OR4F6: variants seen among roughly 807,000 people sequenced by gnomAD.
OR4F6 encodes the protein olfactory receptor family 4 subfamily F member 6.
A neutral mutation model predicts 15.9 loss-of-function variants in OR4F6; 13 were observed. The ratio of observed to expected loss-of-function variants is 0.82; its 90% confidence interval spans 0.53 to 1.30. The LOEUF (loss-of-function observed/expected upper bound fraction) is 1.30. OR4F6 is among the 50% of genes most tolerant of loss of function. OR4F6 has a pLI of 0.00. For missense variants in OR4F6, 426 were observed against 367.2 expected (o/e 1.16, Z -1.31); for synonymous variants, 150 against 133.8 (o/e 1.12, Z -0.83).
In OR4F6 at chr15:101,806,250, C is replaced by A; in HGVS notation, c.531C>A (p.Phe177Leu). ...LFCGPNELDS[F>L]FCDLPRFIKL... is the part of the protein sequence containing the mutation. Reference sequence around the variant, plus strand: ...GTGGCCCTAATGAATTAGATAGTTTCTTTTGTGATCTTCCTCGATTTATCA... The same window carrying A: ...GTGGCCCTAATGAATTAGATAGTTTATTTTGTGATCTTCCTCGATTTATCA... Residue 177 changes from phenylalanine (F) to leucine (L), a missense_variant, in exon 2 of 2, where the codon TTC (phenylalanine) becomes TTA (leucine). Physicochemically the swap from Phe to Leu is conservative, Grantham distance 22. Coordinates refer to ENST00000328882, the MANE Select transcript of OR4F6 (RefSeq NM_001005326.2). 6.2e-7 allele frequency: 1 copy of A among 1,613,896 alleles called. No homozygotes were observed. Among genetic ancestry groups the A allele is most frequent in the East Asian group, 2.2e-5 (1 of 44,874 alleles).
At chr15:101,803,839 A>C (rs1327793440) in intron 1 of OR4F6, among the ~76,000 whole-genome samples, 2 of 152,212 alleles carry the variant, frequency 1.3e-5, no homozygotes, top group African/African-American at 4.8e-5. Context: ...ATTTGAGTCC[A>C]GTGCAAGTAA....
chr15:101,806,814 C>T lies in OR4F6; in HGVS notation c.*156C>T. The T allele has an allele frequency of 2.0e-6, 1 of 498,808 alleles. No homozygotes were observed. The highest frequency in any genetic ancestry group is 3.5e-6 in the Non-Finnish European group (1 of 287,818). 30.9% of individuals were successfully genotyped at this position (498,808 alleles called of 1,614,324 possible). On this transcript the variant is annotated 3_prime_UTR_variant, in exon 2 of 2. Transcript: ENST00000328882. The stretch of plus-strand genomic sequence containing the variant: ...CCAAATTGAATTGTGGTATCAATCT[C>T]TTGCTTATATAGGAGATTTAAAGAT...
chr15:101,806,327 G>A lies in OR4F6; in HGVS notation c.608G>A (p.Ser203Asn), dbSNP rs1902804635. Residue 203 changes from serine to asparagine, a missense_variant, in exon 2 of 2, where the codon AGT becomes AAT. Physicochemically the swap from Ser to Asn is conservative, Grantham distance 46 (BLOSUM62 1). Coordinates refer to ENST00000328882, the MANE Select transcript of OR4F6 (RefSeq NM_001005326.2). ...TTGGGATTCATGGTTACTGCCAATA[G>A]TGGATTTATTTCTCTGGCTTCTTTT... ...YTLGFMVTANSGFISLASFLI... is the reference protein window; with the variant it reads ...YTLGFMVTANNGFISLASFLI... The A allele has an allele frequency of 1.2e-5, 20 of 1,613,834 alleles. No individual in the cohort carries two copies. Among genetic ancestry groups the A allele is most frequent in the Non-Finnish European group, 1.4e-5 (16 of 1,179,808 alleles).
chr15:101,805,832 G>T lies in OR4F6; in HGVS notation c.113G>T (p.Ser38Ile), dbSNP rs1456726640. Residue 38 changes from serine to isoleucine, a missense_variant, in exon 2 of 2, where the codon AGC becomes ATC. Coordinates refer to ENST00000328882, the MANE Select transcript of OR4F6 (RefSeq NM_001005326.2). ...FLFFSVFYVS[S>I]LMGNLLIVLT... ...TTTTTCTCAGTGTTCTATGTGTCAA[G>T]CCTGATGGGAAATCTCCTCATTGTG... 3 of 1,613,966 alleles carry T rather than the reference G, an allele frequency of 1.9e-6. No individual in the cohort carries two copies. Among genetic ancestry groups the T allele is most frequent in the African/African-American group, 1.3e-5 (1 of 74,900 alleles).
chr15:101,804,272 G>A (rs1902761814), intron 1 of OR4F6, among the ~76,000 whole-genome samples: 1 of 152,134 alleles, frequency 6.6e-6, no homozygotes, highest in South Asian at 2.1e-4. Flanking sequence ...TTATCGGAGT[G>A]ACTTCAAACA....
chr15:101,805,838 T>C lies in OR4F6; in HGVS notation c.119T>C (p.Met40Thr), dbSNP rs781066517. The C allele has an allele frequency of 2.1e-5, 34 of 1,614,048 alleles. No individual in the cohort carries two copies. The highest frequency in any genetic ancestry group is 2.9e-5 in the Non-Finnish European group (34 of 1,180,010). ...FFSVFYVSSLMGNLLIVLTVT... is the reference protein window; with the variant it reads ...FFSVFYVSSLTGNLLIVLTVT... ...TCAGTGTTCTATGTGTCAAGCCTGA[T>C]GGGAAATCTCCTCATTGTGCTAACT... The change falls in exon 2 of 2, where the codon ATG becomes ACG. Residue 40 changes from methionine to threonine, a missense_variant. Transcript: ENST00000328882.
intron 1 of OR4F6, among the ~76,000 whole-genome samples, 159 bp from the exon 2 acceptor site, chr15:101,805,528 A>G (rs1902781044): frequency 6.6e-6 from 1 of 152,206 alleles, no homozygotes; most frequent in Admixed American, 6.5e-5. Flanking sequence ...GACAAAATTT[A>G]CAATAGAGGA....
chr15:101,806,163 C>A lies in OR4F6; in HGVS notation c.444C>A (p.Ser148=), dbSNP rs1902799329. Residue 148 remains serine (S), a synonymous_variant, in exon 2 of 2, where the codon TCC becomes TCA. Coordinates refer to ENST00000328882, the MANE Select transcript of OR4F6 (RefSeq NM_001005326.2). ...GGTGCATTTTGTTTTTAGTCATTTC[C>A]TGGATTATAGGTATTATTCACTCAG... ...PQRCILFLVI[S]WIIGIIHSVI... is the part of the protein sequence containing the mutation. The A allele has an allele frequency of 6.2e-7, 1 of 1,614,096 alleles. No homozygotes were observed. The highest frequency in any genetic ancestry group is 1.7e-5 in the Admixed American group (1 of 60,020).
chr15:101,806,689 A>C lies in OR4F6; in HGVS notation c.*31A>C. ...TTGAGAATATACAAAAAGGCAAATT[A>C]TACTAGAATTTCAGACAGATATGTG... On this transcript the variant is annotated 3_prime_UTR_variant, in exon 2 of 2. Transcript: ENST00000328882. 7.8e-7 allele frequency: 1 copy of C among 1,278,112 alleles called. No homozygotes were observed. Among genetic ancestry groups the C allele is most frequent in the Non-Finnish European group, 1.1e-6 (1 of 933,538 alleles). 79.2% of individuals were successfully genotyped at this position (1,278,112 alleles called of 1,614,324 possible).
chr15:101,806,228 G>A lies in OR4F6; in HGVS notation c.509G>A (p.Gly170Asp), dbSNP rs757664525. The A allele has an allele frequency of 1.2e-6, 2 of 1,614,078 alleles. No homozygotes were observed. The highest frequency in any genetic ancestry group is 1.7e-5 in the Admixed American group (1 of 59,998). The stretch of plus-strand genomic sequence containing the variant: ...TTTGTTGTAGACCTGCTGTTCTGTG[G>A]CCCTAATGAATTAGATAGTTTCTTT... ...LAFVVDLLFC[G>D]PNELDSFFCD... The change falls in exon 2 of 2, where the codon GGC becomes GAC. Residue 170 changes from glycine to aspartate, a missense_variant. Physicochemically the swap from Gly to Asp is moderately conservative, Grantham distance 94. Coordinates refer to ENST00000328882, the MANE Select transcript of OR4F6 (RefSeq NM_001005326.2).
intron 1 of OR4F6, 23 bp downstream of exon 1, chr15:101,803,568 G>A (rs1241242330): frequency 2.0e-5 from 3 of 152,218 alleles, no homozygotes; most frequent in Non-Finnish European, 4.4e-5. Flanking sequence ...GAAAGAAACT[G>A]TCTTTGATGG....
In OR4F6 at chr15:101,805,653, T is replaced by C; in HGVS notation, c.-33-34T>C. 6.1e-6 allele frequency: 8 copies of C among 1,311,314 alleles called. No homozygotes were observed. In the South Asian group the frequency reaches 1.1e-4, roughly 18 times the overall value. The allele number at this position is 1,311,314 out of a possible 1,614,324, so 81.2% of individuals were successfully genotyped here. ...TTGCCAACATCAATGCTTTTTGTCC[T>C]AAATCAAAGTTTCTCCTTACTCTCC... is the stretch of plus-strand genomic sequence containing the variant. On this transcript the variant is annotated intron_variant, in intron 1 of 1. Transcript: ENST00000328882.
At chr15:101,805,328 A>G (rs560877541) in intron 1 of OR4F6, among the ~76,000 whole-genome samples, 12 of 152,344 alleles carry the variant, frequency 7.9e-5, no homozygotes, top group South Asian at 4.1e-4. Flanking sequence ...GGAATTAGAC[A>G]GAGTGGGTAC....
Position 101,805,774 on chromosome 15 carries a change from G to C in OR4F6, c.55G>C (p.Asp19His), listed in dbSNP as rs781364993. 1 of 1,614,112 alleles carries C rather than the reference G, an allele frequency of 6.2e-7. No homozygotes were observed. The change falls in exon 2 of 2, where the codon GAC (aspartate) becomes CAC (histidine). Residue 19 changes from aspartate (D) to histidine (H), a missense_variant. Physicochemically the swap from Asp to His is moderately conservative, Grantham distance 81 (BLOSUM62 -1). Coordinates refer to ENST00000328882, the MANE Select transcript of OR4F6 (RefSeq NM_001005326.2). ...TGAGTTTGTGTTCCTGGGACTCTCT[G>C]ACTCGCGGAAGATCCAGCTCCTCCT... ...VSEFVFLGLS[D>H]SRKIQLLLFL...
rs758192166 is a variant in OR4F6 at position 101,805,899 on chromosome 15, C to G, written c.180C>G (p.Tyr60Ter). The change falls in exon 2 of 2, where the codon TAC (tyrosine) becomes TAG (stop). Residue 60 changes from tyrosine (Y) to a stop codon, truncating the protein, a stop_gained. Coordinates refer to ENST00000328882, the MANE Select transcript of OR4F6 (RefSeq NM_001005326.2). LOFTEE classifies it high-confidence loss of function. The stretch of plus-strand genomic sequence containing the variant: ...ACCCTCGTTTACAGTCCCCCATGTA[C>G]TTCCTGCTGGCCAACCTTTCCATCA... ...TSDPRLQSPM[Y>*]FLLANLSIIN... 3 of 1,614,038 alleles carry G rather than the reference C, an allele frequency of 1.9e-6. No homozygotes were observed. In the African/African-American group the frequency reaches 4.0e-5, roughly 22 times the overall value.
chr15:101,806,092 G>A lies in OR4F6; in HGVS notation c.373G>A (p.Ala125Thr), dbSNP rs367599882. 1.5e-5 allele frequency: 25 copies of A among 1,614,036 alleles called. No individual in the cohort carries two copies. In the Admixed American group the frequency reaches 4.0e-4, roughly 26 times the overall value. Residue 125 changes from alanine (A) to threonine (T), a missense_variant, in exon 2 of 2, where the codon GCC becomes ACC. Ala to Thr is a moderately conservative substitution (Grantham distance 58). Coordinates refer to ENST00000328882, the MANE Select transcript of OR4F6 (RefSeq NM_001005326.2). ...LIAMAFDRYVAICKPLHYLTI... is the reference protein window; with the variant it reads ...LIAMAFDRYVTICKPLHYLTI... ...AGCCATGGCTTTTGACCGATATGTG[G>A]CCATATGTAAGCCTCTCCACTACCT...
rs139688978 is a variant in OR4F6 at position 101,804,124 on chromosome 15, A to T, written c.-34+579A>T. Among the ~76,000 whole-genome samples the T allele has an allele frequency of 1.3e-3, 191 of 152,324 alleles. 3 individuals are homozygous for T. The highest frequency in any genetic ancestry group is 0.012 in the East Asian group (62 of 5,184). ...GTTAGCAAAGTTTCATTCAGGTCAT[A>T]ACAACAGACTTCTATAAGGCTTGCT... On this transcript the variant is annotated intron_variant, in intron 1 of 1. Transcript: ENST00000328882.
Position 101,805,860 on chromosome 15 carries a change from A to G in OR4F6, c.141A>G (p.Leu47=). The stretch of plus-strand genomic sequence containing the variant: ...TGATGGGAAATCTCCTCATTGTGCT[A>G]ACTGTGACCTCTGACCCTCGTTTAC... The part of the protein sequence containing the change: ...SSLMGNLLIV[L]TVTSDPRLQS... The change falls in exon 2 of 2, where the codon CTA becomes CTG. Residue 47 remains leucine, a synonymous_variant. Transcript: ENST00000328882. 1 of 1,613,960 alleles carries G rather than the reference A, an allele frequency of 6.2e-7. No individual in the cohort carries two copies. Among genetic ancestry groups the G allele is most frequent in the Non-Finnish European group, 8.5e-7 (1 of 1,179,920 alleles).
rs764494319 is a variant in OR4F6 at position 101,806,216 on chromosome 15, T to C, written c.497T>C (p.Leu166Pro). Reference protein sequence around the residue: ...SVIQLAFVVDLLFCGPNELDS... With the variant: ...SVIQLAFVVDPLFCGPNELDS... ...ATTCAGTTGGCTTTTGTTGTAGACCTGCTGTTCTGTGGCCCTAATGAATTA... is the reference window on the plus strand; with the variant it reads ...ATTCAGTTGGCTTTTGTTGTAGACCCGCTGTTCTGTGGCCCTAATGAATTA... The change falls in exon 2 of 2, where the codon CTG becomes CCG. Residue 166 changes from leucine to proline, a missense_variant. Transcript: ENST00000328882. The C allele has an allele frequency of 1.9e-6, 3 of 1,614,184 alleles. No individual in the cohort carries two copies. Among genetic ancestry groups the C allele is most frequent in the East Asian group, 4.5e-5 (2 of 44,892 alleles).
Sources: gnomAD v4.1 joint callset for allele counts (sites outside exome capture counted in the v4.1 genomes callset) on GRCh38, gnomAD v4.1.1 for gene constraint, MANE v1.5 for transcripts, NCBI Gene and HGNC (gene_info 2026-07-23, HGNC 2026-07-21) for gene names.